ARHGEF28: variants seen among roughly 807,000 people sequenced by gnomAD.
ARHGEF28 encodes Rho guanine nucleotide exchange factor 28.
ARHGEF28 carries 152 observed loss-of-function variants against 206.6 expected under a neutral mutation model. The ratio of observed to expected loss-of-function variants is 0.74; its 90% confidence interval spans 0.64 to 0.84. ARHGEF28 has a LOEUF of 0.84. Ranked by LOEUF, ARHGEF28 falls within the 40% of genes least tolerant of loss-of-function variation. The probability of loss-of-function intolerance (pLI) is 0.00; values close to 1 mark genes in which losing one functional copy is unlikely to be tolerated. For synonymous variants in ARHGEF28, 763 were observed against 776.4 expected (o/e 0.98, Z 0.29); for missense variants, 2,028 against 2,073.2 (o/e 0.98, Z 0.42).
At chr5:73,890,003 G>A (rs1761529498) in intron 26 of ARHGEF28, among the ~76,000 whole-genome samples, 3 of 152,170 alleles carry the variant, frequency 2.0e-5, no homozygotes, top group Admixed American at 2.0e-4. Flanking sequence ...AAATGCCGTG[G>A]CACAAATAAA....
chr5:73,654,903 GGA>G (rs1245305851), intron 1 of ARHGEF28, among the ~76,000 whole-genome samples: 1 of 152,154 alleles, frequency 6.6e-6, no homozygotes, highest in African/African-American at 2.4e-5. Context: ...GCTCTGTCAG[GGA>G]GAGATTCTGC....
intron 2 of ARHGEF28, among the ~76,000 whole-genome samples, chr5:73,739,125 G>GA (rs1751201344): frequency 7.0e-6 from 1 of 143,046 alleles, no homozygotes; most frequent in African/African-American, 2.5e-5. Context: ...TGGATAAAAG[G>GA]AAACCTTTTT....
chr5:73,813,748 C>T, intron 9 of ARHGEF28: 1 of 1,462,462 alleles, frequency 6.8e-7, no homozygotes, highest in Non-Finnish European at 9.2e-7. Context: ...TGTTTCTTTG[C>T]CAGACTGTTT....
At chr5:73,813,799 C>T in intron 9 of ARHGEF28, 1 of 976,034 alleles carries the variant, frequency 1.0e-6, no homozygotes, top group Non-Finnish European at 1.5e-6. Flanking sequence ...TTATAAAACA[C>T]TCACTGTACA....
At chr5:73,785,664 G>A (rs536336599) in intron 7 of ARHGEF28, among the ~76,000 whole-genome samples, 57 of 152,050 alleles carry the variant, frequency 3.7e-4, no homozygotes, top group Non-Finnish European at 6.6e-4. Context: ...GTATGAATCC[G>A]CTTAAAAAAT....
At chr5:73,700,722 C>A (rs1748547589) in intron 2 of ARHGEF28, among the ~76,000 whole-genome samples, 1 of 151,984 alleles carries the variant, frequency 6.6e-6, no homozygotes, top group Non-Finnish European at 1.5e-5. Flanking sequence ...ATGTACATAT[C>A]AAAATATCAA....
rs139527887 is a variant in ARHGEF28 at position 73,626,273 on chromosome 5, G to C, written c.-61G>C. On this transcript the variant is annotated 5_prime_UTR_variant, in exon 1 of 36. Coordinates refer to ENST00000513042, the MANE Select transcript of ARHGEF28 (RefSeq NM_001177693.2). ...TCCGAGGCGCCCTCAGGCAGGGCGC[G>C]GGGGCAGAGCCTCGCCTGGGTTCTG... 1.3e-5 allele frequency: 2 copies of C among 152,132 alleles called. No homozygotes were observed. The highest frequency in any genetic ancestry group is 4.8e-5 in the African/African-American group (2 of 41,454). The allele number at this position is 152,132 out of a possible 1,614,324, so 9.4% of individuals were successfully genotyped here. A position where few individuals can be genotyped will look rare whatever the true frequency, so the allele number is the denominator to read the frequency against.
intron 1 of ARHGEF28, among the ~76,000 whole-genome samples, chr5:73,678,193 A>G (rs183950791): frequency 8.7e-4 from 133 of 152,332 alleles, no homozygotes; most frequent in African/African-American, 2.9e-3. Context: ...TATTGAGTAT[A>G]TATTTGCTCC....
At chr5:73,779,646 C>T (rs1029032610) in intron 6 of ARHGEF28, among the ~76,000 whole-genome samples, 6 of 152,110 alleles carry the variant, frequency 3.9e-5, no homozygotes, top group African/African-American at 1.4e-4. Context: ...GGTGACCCCT[C>T]CTCCATCCTT....
chr5:73,776,871 A>G (rs955728373), intron 6 of ARHGEF28, among the ~76,000 whole-genome samples, 175 bp downstream of exon 6: 1 of 152,086 alleles, frequency 6.6e-6, no homozygotes, highest in East Asian at 1.9e-4. Flanking sequence ...TATATATTTT[A>G]TAGGAGTTTG....
intron 2 of ARHGEF28, among the ~76,000 whole-genome samples, chr5:73,707,007 C>A (rs1333269976): frequency 6.6e-6 from 1 of 152,186 alleles, no homozygotes; most frequent in African/African-American, 2.4e-5. Flanking sequence ...CTCTGCAGAG[C>A]TGAGAGTGCT....
intron 35 of ARHGEF28, among the ~76,000 whole-genome samples, chr5:73,938,081 C>T (rs759004927): frequency 6.6e-6 from 1 of 151,688 alleles, no homozygotes; most frequent in Non-Finnish European, 1.5e-5. Context: ...TAGGGCACAA[C>T]AAGCTCTCAC....
intron 1 of ARHGEF28, among the ~76,000 whole-genome samples, chr5:73,636,475 A>G (rs1167517810): frequency 6.6e-6 from 1 of 152,212 alleles, no homozygotes; most frequent in Non-Finnish European, 1.5e-5. Flanking sequence ...CTTTATCTTC[A>G]TCAGCTGTGT....
chr5:73,894,387 T>G lies in ARHGEF28; in HGVS notation c.3659-6T>G, dbSNP rs1184618242. On this transcript the variant is annotated splice_polypyrimidine_tract_variant and splice_region_variant and intron_variant, in intron 28 of 35. Transcript: ENST00000513042. ...ATAATCTTCTATGGTAAATACTATT[T>G]CATAGAAATACTCACTAACCAAGAC... 6.3e-7 allele frequency: 1 copy of G among 1,597,072 alleles called. No individual in the cohort carries two copies. The highest frequency in any genetic ancestry group is 8.6e-7 in the Non-Finnish European group (1 of 1,168,520).
chr5:73,734,543 A>G (rs1198679131), intron 2 of ARHGEF28, among the ~76,000 whole-genome samples: 1 of 152,180 alleles, frequency 6.6e-6, no homozygotes, highest in African/African-American at 2.4e-5. Flanking sequence ...TAAAGGATAG[A>G]CAAAGTGAGG....
chr5:73,785,348 C>CT (rs1754099844), intron 7 of ARHGEF28, among the ~76,000 whole-genome samples: 1 of 152,192 alleles, frequency 6.6e-6, no homozygotes, highest in Admixed American at 6.5e-5. Context: ...TAGAAACCGT[C>CT]TGTGAAAGGT....
rs149956759 is a variant in ARHGEF28, at chr5:73,638,590, C to G, written c.-12+12268C>G. Among the ~76,000 whole-genome samples, 1,465 of 152,162 alleles carry G rather than the reference C, an allele frequency of 9.6e-3. 28 individuals are homozygous for G. The highest frequency in any genetic ancestry group is 0.033 in the African/African-American group (1,376 of 41,514). On this transcript the variant is annotated intron_variant, in intron 1 of 35. Transcript: ENST00000513042. ...AAGTAAATTATAGTGCATTATCTTGCCTTTGTGACGTTAAAGAATACTGTT... is the reference window on the plus strand; with the variant it reads ...AAGTAAATTATAGTGCATTATCTTGGCTTTGTGACGTTAAAGAATACTGTT...
At chr5:73,857,623 T>C (rs1214333599) in intron 14 of ARHGEF28, 33 bp from the exon 15 acceptor site, 1 of 1,550,052 alleles carries the variant, frequency 6.5e-7, no homozygotes, top group Non-Finnish European at 8.7e-7. Flanking sequence ...TCCTAAGTCA[T>C]ATGAGCCATG....
At chr5:73,706,127 A>G (rs1748915623) in intron 2 of ARHGEF28, among the ~76,000 whole-genome samples, 1 of 152,216 alleles carries the variant, frequency 6.6e-6, no homozygotes, top group Non-Finnish European at 1.5e-5. Context: ...TCCTTCAGGC[A>G]GCCTTCTTGT....
Sources: gnomAD v4.1 joint callset for allele counts (sites outside exome capture counted in the v4.1 genomes callset) on GRCh38, gnomAD v4.1.1 for gene constraint, MANE v1.5 for transcripts, NCBI Gene and HGNC (gene_info 2026-07-23, HGNC 2026-07-21) for gene names.